The following SORCS1 variants were observed in gnomAD, a reference collection of about 807,000 sequenced individuals.
SORCS1 encodes the protein VPS10 domain-containing receptor SorCS1.
SORCS1 carries 60 observed loss-of-function variants against 146.1 expected under a neutral mutation model. The observed-to-expected ratio is 0.41, with a 90% CI of 0.33 to 0.51. The LOEUF is 0.51. Among genes scored for constraint, SORCS1 ranks in the 20% least tolerant of loss-of-function variants. The probability of loss-of-function intolerance (pLI) is 0.21; values close to 1 mark genes in which losing one functional copy is unlikely to be tolerated. For missense variants in SORCS1, 1,352 were observed against 1,487.6 expected, an observed-to-expected ratio of 0.91 and a Z score of 1.50; for synonymous variants, 637 against 584.0, an observed-to-expected ratio of 1.09 and a Z score of -1.31.
intron 1 of SORCS1, among the ~76,000 whole-genome samples, chr10:107,137,904 CT>C (rs536175033): frequency 1.3e-5 from 2 of 151,822 alleles, no homozygotes; most frequent in African/African-American, 4.8e-5. Flanking sequence ...ATTTTATACG[CT>C]TTTTTAACTA....
At chr10:106,929,711 G>A (rs1953288664) in intron 2 of SORCS1, among the ~76,000 whole-genome samples, 1 of 152,090 alleles carries the variant, frequency 6.6e-6, no homozygotes, top group South Asian at 2.1e-4. Context: ...GGAGTAGTCA[G>A]CAAGGTTCCT....
intron 1 of SORCS1, among the ~76,000 whole-genome samples, chr10:107,071,833 A>T (rs577547092): frequency 8.9e-4 from 135 of 152,354 alleles, no homozygotes; most frequent in Non-Finnish European, 1.7e-3. Flanking sequence ...ATAATTGAAG[A>T]TGTAAAAAGA....
chr10:106,628,208 A>G (rs1168588464), intron 19 of SORCS1, among the ~76,000 whole-genome samples: 1 of 152,212 alleles, frequency 6.6e-6, no homozygotes, highest in Non-Finnish European at 1.5e-5. Context: ...CATGTTAGGA[A>G]GACTCAACAA....
chr10:106,976,340 T>TTTGTTTTTTG, intron 1 of SORCS1, among the ~76,000 whole-genome samples: 1 of 123,710 alleles, frequency 8.1e-6, no homozygotes, highest in African/African-American at 3.5e-5. Flanking sequence ...TTTGTTTTTT[T>TTTGTTTTTTG]TTTTTTTTTG....
intron 3 of SORCS1, among the ~76,000 whole-genome samples, chr10:106,796,968 G>A (rs764091914): frequency 3.3e-5 from 5 of 152,232 alleles, no homozygotes; most frequent in South Asian, 2.1e-4. Flanking sequence ...TTAGCCGGGC[G>A]TGGTGGCGGG....
intron 24 of SORCS1, among the ~76,000 whole-genome samples, chr10:106,580,501 G>T (rs1844839666): frequency 6.6e-6 from 1 of 152,190 alleles, no homozygotes; most frequent in Non-Finnish European, 1.5e-5. Flanking sequence ...TTTTGCAAAT[G>T]TAGTGCAGCT....
intron 2 of SORCS1, among the ~76,000 whole-genome samples, chr10:106,934,358 C>T (rs928699176): frequency 6.6e-6 from 1 of 151,928 alleles, no homozygotes; most frequent in East Asian, 1.9e-4. Flanking sequence ...CCGGGGTTCA[C>T]GTCATTCTCC....
At chr10:106,868,894 G>T (rs901891465) in intron 2 of SORCS1, among the ~76,000 whole-genome samples, 1 of 152,002 alleles carries the variant, frequency 6.6e-6, no homozygotes, top group Non-Finnish European at 1.5e-5. Flanking sequence ...AGATCAATGA[G>T]TCCAGGAGTT....
chr10:107,152,840 T>G (rs1565112481), intron 1 of SORCS1, among the ~76,000 whole-genome samples: 1 of 152,194 alleles, frequency 6.6e-6, no homozygotes, highest in Non-Finnish European at 1.5e-5. Flanking sequence ...CCTTTTATTT[T>G]CATCTCTTCC....
chr10:107,104,717 T>C (rs1965183529), intron 1 of SORCS1, among the ~76,000 whole-genome samples: 1 of 152,376 alleles, frequency 6.6e-6, no homozygotes, highest in South Asian at 2.1e-4. Context: ...CTCCCTTTTT[T>C]GCTCTGCCAT....
At chr10:106,658,780 G>A (rs1850496365) in intron 17 of SORCS1, among the ~76,000 whole-genome samples, 1 of 152,128 alleles carries the variant, frequency 6.6e-6, no homozygotes, top group Admixed American at 6.5e-5. Flanking sequence ...GAAGATACAG[G>A]GCTACGATGG....
chr10:106,905,324 T>C (rs1589674002), intron 2 of SORCS1, among the ~76,000 whole-genome samples: 1 of 152,300 alleles, frequency 6.6e-6, no homozygotes, highest in African/African-American at 2.4e-5. Flanking sequence ...ATCTTTAAAT[T>C]ATAAATAGAT....
chr10:107,090,257 T>C (rs547041075), intron 1 of SORCS1, among the ~76,000 whole-genome samples: 49 of 152,210 alleles, frequency 3.2e-4, no homozygotes, highest in Non-Finnish European at 5.4e-4. Flanking sequence ...TGGAGAAGCA[T>C]AGGACTCATT....
intron 3 of SORCS1, among the ~76,000 whole-genome samples, chr10:106,789,100 C>T (rs1010656622): frequency 6.6e-5 from 10 of 152,218 alleles, no homozygotes; most frequent in African/African-American, 2.4e-4. Context: ...ATGGCCTGAG[C>T]TGTGTGGTGG....
chr10:107,068,801 C>T (rs1962151349), intron 1 of SORCS1, among the ~76,000 whole-genome samples: 1 of 147,392 alleles, frequency 6.8e-6, no homozygotes, highest in Non-Finnish European at 1.5e-5. Flanking sequence ...ACCTGTGAGG[C>T]AGAGCTTGCA....
At chr10:106,821,936 A>T (rs984395326) in intron 3 of SORCS1, among the ~76,000 whole-genome samples, 4 of 152,120 alleles carry the variant, frequency 2.6e-5, no homozygotes, top group Non-Finnish European at 5.9e-5. Context: ...AAATAAAAAA[A>T]AAAAAAAGTA....
chr10:107,034,981 C>A (rs1958832766), intron 1 of SORCS1, among the ~76,000 whole-genome samples: 3 of 151,896 alleles, frequency 2.0e-5, no homozygotes, highest in African/African-American at 7.2e-5. Flanking sequence ...TAATCATTAT[C>A]CAGTTGAAGA....
intron 23 of SORCS1, among the ~76,000 whole-genome samples, chr10:106,603,224 G>C (rs1846360364): frequency 6.6e-6 from 1 of 152,090 alleles, no homozygotes; most frequent in African/African-American, 2.4e-5. Flanking sequence ...CAAGGAAGTG[G>C]GATGCTTGAG....
intron 2 of SORCS1, among the ~76,000 whole-genome samples, chr10:106,855,180 C>G (rs1441586706): frequency 6.6e-6 from 1 of 152,164 alleles, no homozygotes; most frequent in African/African-American, 2.4e-5. Flanking sequence ...CCTCTCAGCA[C>G]TTTAAATATT....
Sources: gnomAD v4.1 joint callset for allele counts (sites outside exome capture counted in the v4.1 genomes callset) on GRCh38, gnomAD v4.1.1 for gene constraint, MANE v1.5 for transcripts, NCBI Gene and HGNC (gene_info 2026-07-23, HGNC 2026-07-21) for gene names.